BBX: variants seen among roughly 807,000 people sequenced by gnomAD.
BBX encodes the protein HMG box transcription factor BBX.
Under a neutral mutation model 100.2 loss-of-function variants are expected in BBX, and 30 were observed. The observed-to-expected ratio is 0.30, with a 90% CI of 0.22 to 0.41. The LOEUF (loss-of-function observed/expected upper bound fraction) is 0.41, where lower values mean the gene tolerates loss of function less well. Ranked by LOEUF, BBX falls within the 10% of genes least tolerant of loss-of-function variation. The probability of loss-of-function intolerance (pLI) is 1.00; values close to 1 mark genes in which losing one functional copy is unlikely to be tolerated. For synonymous variants in BBX, 376 were observed against 388.1 expected (o/e 0.97, Z 0.37); for missense variants, 1,023 against 1,129.8 (o/e 0.91, Z 1.35).
intron 3 of BBX, among the ~76,000 whole-genome samples, chr3:107,664,594 C>A (rs1481532866): frequency 6.6e-6 from 1 of 152,056 alleles, no homozygotes; most frequent in African/African-American, 2.4e-5. Context: ...TCACTCATAC[C>A]TTTTCTCAAA....
At chr3:107,664,415 G>A (rs1428207133) in intron 3 of BBX, among the ~76,000 whole-genome samples, 1 of 152,110 alleles carries the variant, frequency 6.6e-6, no homozygotes, top group African/African-American at 2.4e-5. Context: ...ATATCTTTAG[G>A]AATGATACTT....
intron 7 of BBX, among the ~76,000 whole-genome samples, chr3:107,739,646 G>C (rs2063919535): frequency 6.6e-6 from 1 of 152,214 alleles, no homozygotes; most frequent in East Asian, 1.9e-4. Flanking sequence ...TGGAAGGTGG[G>C]CAGAAAGAGA....
At chr3:107,666,553 T>A (rs2058751551) in intron 3 of BBX, among the ~76,000 whole-genome samples, 3 of 152,252 alleles carry the variant, frequency 2.0e-5, no homozygotes, top group African/African-American at 7.2e-5. Context: ...ATTGTGAGTT[T>A]TTAATATGTC....
chr3:107,621,161 A>G (rs1344647877), intron 2 of BBX, among the ~76,000 whole-genome samples: 1 of 152,052 alleles, frequency 6.6e-6, no homozygotes, highest in African/African-American at 2.4e-5. Context: ...CTGTCTTGCT[A>G]TACTGCTCCT....
intron 3 of BBX, among the ~76,000 whole-genome samples, chr3:107,676,559 C>G (rs1293143701): frequency 6.6e-6 from 1 of 152,092 alleles, no homozygotes; most frequent in Non-Finnish European, 1.5e-5. Context: ...TATAATGATG[C>G]TAATCTTTTA....
intron 2 of BBX, among the ~76,000 whole-genome samples, chr3:107,530,888 GTA>G (rs1473684645): frequency 2.0e-5 from 3 of 152,228 alleles, no homozygotes; most frequent in Admixed American, 2.0e-4. Context: ...AAAATACTAG[GTA>G]TTATCTATCA....
At chr3:107,784,808 GAGA>G (rs2068251859) in intron 13 of BBX, among the ~76,000 whole-genome samples, 1 of 151,712 alleles carries the variant, frequency 6.6e-6, no homozygotes, top group African/African-American at 2.4e-5. Context: ...ATAAAGATTA[GAGA>G]AGAAGTTGAT....
chr3:107,681,319 T>C (rs994569110), intron 3 of BBX, among the ~76,000 whole-genome samples: 2 of 152,200 alleles, frequency 1.3e-5, no homozygotes, highest in Non-Finnish European at 2.9e-5. Context: ...AATGGTGTTA[T>C]GAAACGTCTT....
intron 3 of BBX, among the ~76,000 whole-genome samples, chr3:107,656,848 A>G (rs2058173914): frequency 6.6e-6 from 1 of 152,228 alleles, no homozygotes; most frequent in Admixed American, 6.5e-5. Flanking sequence ...AATAAACTTC[A>G]AGTTCTGAGG....
intron 13 of BBX, among the ~76,000 whole-genome samples, chr3:107,783,900 A>C (rs1470099217): frequency 6.6e-6 from 1 of 152,092 alleles, no homozygotes; most frequent in East Asian, 1.9e-4. Flanking sequence ...TCAATTTAGA[A>C]GCATTTGCTA....
chr3:107,635,211 T>C (rs1055681391), intron 2 of BBX, among the ~76,000 whole-genome samples: 3 of 152,244 alleles, frequency 2.0e-5, no homozygotes, highest in Non-Finnish European at 4.4e-5. Flanking sequence ...TGATATAGTT[T>C]ACTTTAACTC....
At chr3:107,628,560 T>C (rs2056353395) in intron 2 of BBX, among the ~76,000 whole-genome samples, 1 of 152,136 alleles carries the variant, frequency 6.6e-6, no homozygotes, top group Middle Eastern at 3.2e-3. Context: ...AAACCTTTTT[T>C]TAAGGATTCA....
At chr3:107,628,751 G>A (rs1051986176) in intron 2 of BBX, among the ~76,000 whole-genome samples, 1 of 151,822 alleles carries the variant, frequency 6.6e-6, no homozygotes, top group African/African-American at 2.4e-5. Context: ...GTATTTCTTT[G>A]GTCAAGATGT....
chr3:107,723,049 A>G (rs1260745640), intron 5 of BBX, among the ~76,000 whole-genome samples: 1 of 152,060 alleles, frequency 6.6e-6, no homozygotes, highest in Non-Finnish European at 1.5e-5. Flanking sequence ...TCTTTCTAAA[A>G]AATCCAATAA....
chr3:107,626,622 G>C (rs960941102), intron 2 of BBX, among the ~76,000 whole-genome samples: 3 of 151,198 alleles, frequency 2.0e-5, no homozygotes, highest in Admixed American at 2.0e-4. Flanking sequence ...GAGAGCTTAT[G>C]AGTTTCCTCA....
intron 2 of BBX, among the ~76,000 whole-genome samples, chr3:107,538,911 G>A (rs1237834401): frequency 1.3e-5 from 2 of 151,932 alleles, no homozygotes; most frequent in Non-Finnish European, 2.9e-5. Flanking sequence ...TAGCTTCCAA[G>A]CTGGGACCAC....
intron 3 of BBX, among the ~76,000 whole-genome samples, chr3:107,699,989 G>T (rs1431390184): frequency 6.6e-6 from 1 of 151,950 alleles, no homozygotes; most frequent in Non-Finnish European, 1.5e-5. Context: ...ATCGTTGGGT[G>T]TGGAGGCTGT....
Position 107,773,445 on chromosome 3 carries a change from A to G in BBX, c.1724A>G (p.Glu575Gly). Residue 575 changes from glutamate (E) to glycine (G), a missense_variant, in exon 11 of 18, where the codon GAA becomes GGA. Around this residue, in one of 9 missense-constraint regions of BBX, gnomAD observed 348 missense variants for 353.2 expected, o/e 0.99. Transcript: ENST00000325805. This position sits in a 1 kb window ranked among gnomAD's most constrained non-coding sequence, Gnocchi z 4.1. Reference sequence around the variant, plus strand: ...GAGACACCAGAGGGTATAAAAGCAGAACCATTGACCCCTATGGAAGATGCA... The same window carrying G: ...GAGACACCAGAGGGTATAAAAGCAGGACCATTGACCCCTATGGAAGATGCA... ...SGETPEGIKA[E>G]PLTPMEDALP... 1.2e-6 allele frequency: 2 copies of G among 1,614,116 alleles called. No homozygotes were observed. The highest frequency in any genetic ancestry group is 1.7e-6 in the Non-Finnish European group (2 of 1,179,996).
chr3:107,544,109 A>G (rs1332283596), intron 2 of BBX, among the ~76,000 whole-genome samples: 4 of 152,218 alleles, frequency 2.6e-5, no homozygotes, highest in African/African-American at 9.7e-5. Context: ...GAAACTTCAT[A>G]TGCCTTATCA....
Sources: allele counts gnomAD v4.1 joint callset (sites outside exome capture counted in the v4.1 genomes callset), GRCh38; gene constraint gnomAD v4.1.1; regional missense constraint gnomAD v4.1.1; non-coding constraint Gnocchi (gnomAD v3.1); transcripts MANE v1.5; gene names NCBI Gene and HGNC (gene_info 2026-07-23, HGNC 2026-07-21).